Variants in HMCN2 observed in about 807,000 individuals in gnomAD.
HMCN2 encodes hemicentin-2.
A neutral mutation model predicts 377.5 loss-of-function variants in HMCN2; 325 were observed. The ratio of observed to expected loss-of-function variants is 0.86; its 90% CI spans 0.79 to 0.94. HMCN2 has a LOEUF of 0.94. Ranked by LOEUF, HMCN2 falls within the 40% of genes least tolerant of loss-of-function variation. The pLI, the probability that HMCN2 is intolerant of heterozygous loss-of-function variation, is 0.00. For synonymous variants in HMCN2, 2,007 were observed against 2,046.8 expected (o/e 0.98, Z 0.53); for missense variants, 4,543 against 4,725.3 (o/e 0.96, Z 1.13).
At chr9:130,322,163 T>C (rs1348495670) in intron 19 of HMCN2, among the ~76,000 whole-genome samples, 7 of 152,212 alleles carry the variant, frequency 4.6e-5, no homozygotes, top group Admixed American at 3.9e-4. Context: ...TCATACTCTA[T>C]ACACACACAC....
intron 77 of HMCN2, among the ~76,000 whole-genome samples, chr9:130,401,557 A>C (rs1165984829): frequency 6.6e-6 from 1 of 152,138 alleles, no homozygotes; most frequent in Non-Finnish European, 1.5e-5. Context: ...TCCTGACCTC[A>C]GGTGATCTGC....
intron 4 of HMCN2, among the ~76,000 whole-genome samples, chr9:130,289,462 G>A (rs55845553): frequency 0.12 from 17,870 of 152,074 alleles, 1,126 homozygotes; most frequent in Middle Eastern, 0.15. Context: ...GTTAGGGTTT[G>A]GACTCCGGGG....
In HMCN2 at chr9:130,369,710, G is replaced by T. The variant is rs1185331823; in HGVS notation, c.6928G>T (p.Ala2310Ser). The change falls in exon 45 of 98, where the codon GCT (alanine) becomes TCT (serine). Residue 2310 changes from alanine (A) to serine (S), a missense_variant. Around this residue, in one of 5 missense-constraint regions of HMCN2, gnomAD observed 1,032 missense variants for 1,285.1 expected, o/e 0.80. Transcript: ENST00000683500. This position sits in a 1 kb window ranked among gnomAD's most constrained non-coding sequence, Gnocchi z 4.5. ...GGAGCGGGACGGCCAGCCCGTGGGG[G>T]CTGAACTGGGCCTGCAGCTGCAGAA... Reference protein sequence around the residue: ...TWERDGQPVGAELGLQLQNQG... With the variant: ...TWERDGQPVGSELGLQLQNQG... 3 of 985,900 alleles carry T rather than the reference G, an allele frequency of 3.0e-6. No individual in the cohort carries two copies. The highest frequency in any genetic ancestry group is 1.2e-4 in the Admixed American group (2 of 16,276). The allele number at this position is 985,900 out of a possible 1,614,324, so 61.1% of individuals were successfully genotyped here. A position where few individuals can be genotyped will look rare whatever the true frequency, so the allele number is the denominator to read the frequency against.
At chr9:130,359,559 C>CT in intron 37 of HMCN2, 145 bp downstream of exon 37, 1 of 362,776 alleles carries the variant, frequency 2.8e-6, no homozygotes, top group Admixed American at 3.4e-5. Context: ...ATGTTCCTCT[C>CT]TTCCTCTTCA....
intron 40 of HMCN2, 147 bp from the exon 41 acceptor site, chr9:130,364,567 C>T: frequency 5.3e-6 from 1 of 189,862 alleles, no homozygotes; most frequent in Non-Finnish European, 9.8e-6. Flanking sequence ...TTTACTCAGA[C>T]TGGCTCCTCC....
intron 50 of HMCN2, 68 bp downstream of exon 50, chr9:130,375,804 C>A: frequency 2.0e-6 from 2 of 980,816 alleles, no homozygotes; most frequent in East Asian, 1.1e-4. Flanking sequence ...AGGAGAGGAC[C>A]TGTGAGCCTG....
intron 1 of HMCN2, among the ~76,000 whole-genome samples, chr9:130,272,070 A>G (rs1441852767): frequency 1.3e-5 from 2 of 149,004 alleles, no homozygotes; most frequent in Non-Finnish European, 3.0e-5. Flanking sequence ...TAGTTCCAGT[A>G]TACATTTAAA....
chr9:130,394,933 G>C lies in HMCN2; in HGVS notation c.10693-94G>C. ...TGGCAGACCTCGCAGGGCTGAGTTT[G>C]AATCCTGGGTCCCTCGATGCATGAG... On this transcript the variant is annotated intron_variant, in intron 69 of 97. Transcript: ENST00000683500. The surrounding 1 kb of genome is among the most constrained non-coding windows in gnomAD (Gnocchi z 5.1). 1.2e-6 allele frequency: 1 copy of C among 808,704 alleles called. No individual in the cohort carries two copies. The highest frequency in any genetic ancestry group is 1.8e-5 in the African/African-American group (1 of 55,952). The allele number at this position is 808,704 out of a possible 1,614,324, so 50.1% of individuals were successfully genotyped here.
At position 130,375,883 on chromosome 9, in the gene HMCN2, C is replaced by T. The variant is rs762921998; in HGVS notation, c.7812C>T (p.His2604=). 4.7e-5 allele frequency: 46 copies of T among 985,932 alleles called. No homozygotes were observed. Among genetic ancestry groups the T allele is most frequent in the Middle Eastern group, 5.2e-4 (1 of 1,914 alleles). 61.1% of individuals were successfully genotyped at this position (985,932 alleles called of 1,614,324 possible). ...SRNIQLLPGT[H]GLQILNAQKE... is the part of the protein sequence containing the mutation. ...CCACTGGCCCCCACACAGGTACCCA[C>T]GGGCTGCAGATCCTGAATGCCCAGA... Residue 2604 remains histidine, a synonymous_variant, in exon 51 of 98, where the codon CAC becomes CAT. Transcript: ENST00000683500.
intron 27 of HMCN2, 25 bp from the exon 28 acceptor site, chr9:130,348,959 G>A: frequency 1.5e-6 from 2 of 1,298,330 alleles, no homozygotes; most frequent in Non-Finnish European, 2.0e-6. Context: ...CCTCTTACTG[G>A]CTCCCTCTGG....
intron 19 of HMCN2, among the ~76,000 whole-genome samples, chr9:130,324,265 T>C (rs1430573166): frequency 6.6e-6 from 1 of 152,204 alleles, no homozygotes; most frequent in Non-Finnish European, 1.5e-5. Flanking sequence ...AAGTGGAATC[T>C]TACAGTATTT....
Position 130,431,348 on chromosome 9 carries a change from ACC to A in HMCN2, c.14648-15_14648-14del, listed in dbSNP as rs1844742271. 1 of 1,447,994 alleles carries A rather than the reference ACC, an allele frequency of 6.9e-7. No individual in the cohort carries two copies. Among genetic ancestry groups the A allele is most frequent in the African/African-American group, 1.4e-5 (1 of 70,728 alleles). The allele number at this position is 1,447,994 out of a possible 1,614,324, so 89.7% of individuals were successfully genotyped here. On this transcript the variant is annotated splice_polypyrimidine_tract_variant and intron_variant, in intron 95 of 97. Transcript: ENST00000683500. ...TCTGCCCCCATCCCCCACCTGCCCC[ACC>A]CCCATGCCCGGGCCAGACCTTGACG...
At chr9:130,282,601 G>C (rs1332635984) in intron 1 of HMCN2, among the ~76,000 whole-genome samples, 1 of 152,224 alleles carries the variant, frequency 6.6e-6, no homozygotes, top group Non-Finnish European at 1.5e-5. Context: ...CAGAGGGGCC[G>C]GGGCCACGGG....
In HMCN2 at chr9:130,385,675, C is replaced by G; in HGVS notation, c.9222C>G (p.Thr3074=). ...ETDALPEPTV[T]WYKDGQPLVL... is the part of the protein sequence containing the mutation. ...ATGCGCTCCCTGAGCCAACTGTGACCTGGTACAAGGATGGGCAGCCCCTGG... is the reference window on the plus strand; with the variant it reads ...ATGCGCTCCCTGAGCCAACTGTGACGTGGTACAAGGATGGGCAGCCCCTGG... Residue 3074 remains threonine (T), a synonymous_variant, in exon 60 of 98, where the codon ACC becomes ACG. Transcript: ENST00000683500. The G allele has an allele frequency of 7.7e-7, 1 of 1,304,216 alleles. No homozygotes were observed. The highest frequency in any genetic ancestry group is 1.0e-6 in the Non-Finnish European group (1 of 988,922). 80.8% of individuals were successfully genotyped at this position (1,304,216 alleles called of 1,614,324 possible). A position where few individuals can be genotyped will look rare whatever the true frequency, so the allele number is the denominator to read the frequency against.
At chr9:130,430,629 C>T (rs757277898) in intron 95 of HMCN2, 25 bp downstream of exon 95, 80 of 1,526,510 alleles carry the variant, frequency 5.2e-5, no homozygotes, top group Middle Eastern at 1.7e-4. Flanking sequence ...TGACCATCCA[C>T]GGGACACTGC....
At chr9:130,397,219 G>A (rs1465125185) in intron 73 of HMCN2, among the ~76,000 whole-genome samples, 1 of 152,222 alleles carries the variant, frequency 6.6e-6, no homozygotes, top group East Asian at 1.9e-4. Flanking sequence ...ATGGCAGCAG[G>A]CAAAGAGAGA....
chr9:130,359,242 C>T (rs2131556590), intron 36 of HMCN2, 77 bp from the exon 37 acceptor site: 1 of 726,738 alleles, frequency 1.4e-6, no homozygotes, highest in Non-Finnish European at 2.1e-6. Flanking sequence ...CAGGGAGCAG[C>T]ACTGCTGGGA....
At chr9:130,324,040 G>A (rs1191468569) in intron 19 of HMCN2, among the ~76,000 whole-genome samples, 3 of 152,186 alleles carry the variant, frequency 2.0e-5, no homozygotes, top group Admixed American at 6.5e-5. Flanking sequence ...ATAACATAAC[G>A]TGTATCATTT....
intron 22 of HMCN2, among the ~76,000 whole-genome samples, chr9:130,329,102 T>A (rs1179898084): frequency 1.3e-5 from 2 of 152,214 alleles, no homozygotes; most frequent in East Asian, 3.8e-4. Context: ...TTTTAGAACA[T>A]GTTCATCACC....
Sources: allele counts gnomAD v4.1 joint callset (sites outside exome capture counted in the v4.1 genomes callset), GRCh38; gene constraint gnomAD v4.1.1; regional missense constraint gnomAD v4.1.1; non-coding constraint Gnocchi (gnomAD v3.1); transcripts MANE v1.5; gene names NCBI Gene and HGNC (gene_info 2026-07-23, HGNC 2026-07-21).